The following CSMD3 variants were observed in gnomAD, a reference collection of about 807,000 sequenced individuals.
CSMD3 encodes CUB and Sushi multiple domains 3.
A neutral mutation model predicts 435.2 loss-of-function variants in CSMD3; 177 were observed. The observed-to-expected ratio is 0.41, with a 90% CI of 0.36 to 0.46. CSMD3 has a LOEUF of 0.46. CSMD3 is among the 20% of genes least tolerant of loss of function. The probability of loss-of-function intolerance (pLI) is 0.34; values close to 1 mark genes in which losing one functional copy is unlikely to be tolerated. For synonymous variants in CSMD3, 1,656 were observed against 1,520.5 expected, an observed-to-expected ratio of 1.09 and a Z score of -2.07; for missense variants, 4,265 against 4,504.6, an observed-to-expected ratio of 0.95 and a Z score of 1.52.
chr8:113,002,171 G>A (rs915257596), intron 6 of CSMD3, among the ~76,000 whole-genome samples: 8 of 152,018 alleles, frequency 5.3e-5, no homozygotes, highest in Non-Finnish European at 7.4e-5. Context: ...AAATTTCCTC[G>A]TCTAGAATTT....
intron 13 of CSMD3, among the ~76,000 whole-genome samples, chr8:112,717,613 C>T (rs1343780293): frequency 6.6e-6 from 1 of 152,066 alleles, no homozygotes. Context: ...ACATGAACAC[C>T]TATGTTTATT....
chr8:112,296,070 C>CAAATAA, intron 53 of CSMD3, 64 bp from the exon 54 acceptor site: 5 of 1,287,250 alleles, frequency 3.9e-6, no homozygotes, highest in Non-Finnish European at 4.4e-6. Context: ...TATTTATATA[C>CAAATAA]ATGTGGAACA....
chr8:112,408,830 G>A, intron 33 of CSMD3, 89 bp downstream of exon 33: 1 of 1,591,710 alleles, frequency 6.3e-7, no homozygotes, highest in Non-Finnish European at 8.6e-7. Flanking sequence ...TTCTTATATT[G>A]ATGATATAAA....
chr8:113,183,047 T>C (rs1345535581), intron 3 of CSMD3, among the ~76,000 whole-genome samples: 1 of 152,048 alleles, frequency 6.6e-6, no homozygotes, highest in African/African-American at 2.4e-5. Context: ...GCATAGATCC[T>C]GCCGGACAGA....
chr8:113,269,489 C>G (rs1291062550), intron 3 of CSMD3, among the ~76,000 whole-genome samples: 1 of 152,030 alleles, frequency 6.6e-6, no homozygotes, highest in African/African-American at 2.4e-5. Context: ...CAAAAAAGAG[C>G]CCTCATCACC....
At chr8:112,412,612 A>G (rs1217217107) in intron 32 of CSMD3, among the ~76,000 whole-genome samples, 1 of 152,176 alleles carries the variant, frequency 6.6e-6, no homozygotes, top group Non-Finnish European at 1.5e-5. Flanking sequence ...ATAGTGGTAT[A>G]TATACTGTAG....
intron 13 of CSMD3, among the ~76,000 whole-genome samples, chr8:112,731,775 G>A (rs2077080077): frequency 6.6e-6 from 1 of 152,000 alleles, no homozygotes; most frequent in Admixed American, 6.6e-5. Flanking sequence ...TATGCTCAAT[G>A]AGTATTTGTT....
intron 6 of CSMD3, among the ~76,000 whole-genome samples, chr8:113,005,596 T>TA (rs1431330970): frequency 1.3e-5 from 2 of 151,954 alleles, no homozygotes; most frequent in African/African-American, 2.4e-5. Context: ...ACTCAAGATT[T>TA]AAAAAATAAC....
chr8:112,857,834 T>C (rs572150008), intron 11 of CSMD3, among the ~76,000 whole-genome samples: 2 of 151,688 alleles, frequency 1.3e-5, no homozygotes, highest in Admixed American at 6.6e-5. Context: ...AAGCACTTCA[T>C]GTTTTTTTTT....
chr8:113,225,625 A>C (rs2093018019), intron 3 of CSMD3, among the ~76,000 whole-genome samples: 1 of 151,530 alleles, frequency 6.6e-6, no homozygotes. Context: ...TACATTGACA[A>C]GATATTGTTA....
At chr8:112,279,007 C>A (rs998761652) in intron 59 of CSMD3, among the ~76,000 whole-genome samples, 1 of 130,860 alleles carries the variant, frequency 7.6e-6, no homozygotes. Context: ...TAACTCCACC[C>A]CCAAAAAACA....
chr8:113,285,499 T>G (rs578157487), intron 2 of CSMD3, among the ~76,000 whole-genome samples: 1 of 152,264 alleles, frequency 6.6e-6, no homozygotes, highest in African/African-American at 2.4e-5. Flanking sequence ...GACCTCGTGA[T>G]CCGCCTGCCT....
At chr8:112,394,880 G>T (rs745593754) in intron 35 of CSMD3, among the ~76,000 whole-genome samples, 7 of 152,168 alleles carry the variant, frequency 4.6e-5, no homozygotes, top group Non-Finnish European at 5.9e-5. Context: ...TTAGAATAGT[G>T]TTGGCATGCA....
intron 4 of CSMD3, among the ~76,000 whole-genome samples, chr8:113,170,036 A>G (rs1185390855): frequency 6.6e-6 from 1 of 152,146 alleles, no homozygotes; most frequent in East Asian, 1.9e-4. Flanking sequence ...TCTTAATTAA[A>G]CTACCATTGT....
intron 22 of CSMD3, among the ~76,000 whole-genome samples, chr8:112,594,843 T>A (rs1397236444): frequency 1.3e-5 from 2 of 151,830 alleles, no homozygotes; most frequent in Non-Finnish European, 2.9e-5. Context: ...AGAAAGGACA[T>A]CCACACCAAA....
chr8:113,365,245 C>T (rs1260449385), intron 1 of CSMD3, among the ~76,000 whole-genome samples: 1 of 152,018 alleles, frequency 6.6e-6, no homozygotes. Flanking sequence ...GAAAACTAAA[C>T]TGCTATTAAG....
intron 13 of CSMD3, among the ~76,000 whole-genome samples, chr8:112,770,769 C>T (rs903348558): frequency 6.6e-6 from 1 of 151,932 alleles, no homozygotes; most frequent in African/African-American, 2.4e-5. Flanking sequence ...TATATTTCTA[C>T]ATACTGACAT....
chr8:112,582,339 G>C (rs1830393379), intron 23 of CSMD3, among the ~76,000 whole-genome samples: 1 of 151,896 alleles, frequency 6.6e-6, no homozygotes, highest in Non-Finnish European at 1.5e-5. Flanking sequence ...AGAGCCTGCA[G>C]AACTGTGAGC....
chr8:112,535,795 A>G (rs1826018232), intron 27 of CSMD3, among the ~76,000 whole-genome samples: 2 of 152,208 alleles, frequency 1.3e-5, no homozygotes, highest in African/African-American at 4.8e-5. Flanking sequence ...CAGTGACCAA[A>G]ACAGCATGGT....
Sources: allele counts gnomAD v4.1 joint callset (sites outside exome capture counted in the v4.1 genomes callset), GRCh38; gene constraint gnomAD v4.1.1; transcripts MANE v1.5; gene names NCBI Gene and HGNC (gene_info 2026-07-23, HGNC 2026-07-21).